The following MGAT4C variants were observed in gnomAD, a reference collection of about 807,000 sequenced individuals.
The protein encoded by MGAT4C is alpha-1,3-mannosyl-glycoprotein 4-beta-N-acetylglucosaminyltransferase C.
Under a neutral mutation model 40.1 loss-of-function variants are expected in MGAT4C, and 19 were observed. The observed-to-expected ratio is 0.47, with a 90% CI of 0.33 to 0.70. MGAT4C has a LOEUF of 0.70. Among genes scored for constraint, MGAT4C ranks in the 30% least tolerant of loss-of-function variants. The pLI is 0.02. For missense variants in MGAT4C, 491 were observed against 563.2 expected, an observed-to-expected ratio of 0.87 and a Z score of 1.30; for synonymous variants, 181 against 187.1, an observed-to-expected ratio of 0.97 and a Z score of 0.27.
At chr12:86,144,512 T>C (rs1883261549) in intron 1 of MGAT4C, among the ~76,000 whole-genome samples, 1 of 152,160 alleles carries the variant, frequency 6.6e-6, no homozygotes, top group Non-Finnish European at 1.5e-5. Flanking sequence ...ATACATTACA[T>C]TTCATCACAA....
intron 2 of MGAT4C, among the ~76,000 whole-genome samples, chr12:86,566,570 A>G (rs10858438): frequency 0.52 from 18,419 of 35,260 alleles, 5,219 homozygotes; most frequent in East Asian, 0.61. Context: ...ATATATATAT[A>G]TATATGTATA....
chr12:86,648,047 C>G (rs536488862), intron 2 of MGAT4C, among the ~76,000 whole-genome samples: 1 of 151,874 alleles, frequency 6.6e-6, no homozygotes, highest in Non-Finnish European at 1.5e-5. Context: ...CCAAATAAAT[C>G]CTTATTCAAT....
Position 85,968,121 on chromosome 12 carries a change from CTAAA to C in MGAT4C, c.*11164_*11167del, listed in dbSNP as rs1272009725. 4 of 151,948 alleles carry C rather than the reference CTAAA, an allele frequency of 2.6e-5. No homozygotes were observed. In the East Asian group the frequency reaches 7.7e-4, roughly 29 times the overall value. The allele number at this position is 151,948 out of a possible 1,614,324, so 9.4% of individuals were successfully genotyped here. A position where few individuals can be genotyped will look rare whatever the true frequency, so the allele number is the denominator to read the frequency against. ...GAGATTTGGATCATATGGGCTATGA[CTAAA>C]TGAGACAAGGCATACATGCTGACAT... On this transcript the variant is annotated 3_prime_UTR_variant, in exon 5 of 5. Coordinates refer to ENST00000611864, the MANE Select transcript of MGAT4C (RefSeq NM_001351288.2).
At chr12:86,478,987 T>C (rs1957887775) in intron 2 of MGAT4C, among the ~76,000 whole-genome samples, 1 of 152,056 alleles carries the variant, frequency 6.6e-6, no homozygotes. Flanking sequence ...ATCTCACATA[T>C]TTGAAGGACA....
chr12:86,170,035 T>C (rs1295732868), intron 1 of MGAT4C, among the ~76,000 whole-genome samples: 2 of 152,214 alleles, frequency 1.3e-5, no homozygotes, highest in Non-Finnish European at 2.9e-5. Flanking sequence ...AATTTAGTTC[T>C]TCCAACAACC....
chr12:86,082,225 G>A (rs1870970014), intron 1 of MGAT4C, among the ~76,000 whole-genome samples: 1 of 152,146 alleles, frequency 6.6e-6, no homozygotes, highest in Non-Finnish European at 1.5e-5. Context: ...CCATTAAACA[G>A]TCTAGATGAC....
intron 2 of MGAT4C, among the ~76,000 whole-genome samples, chr12:86,665,327 C>T (rs1964076693): frequency 6.6e-6 from 1 of 152,118 alleles, no homozygotes; most frequent in East Asian, 1.9e-4. Flanking sequence ...AATGCTGAGA[C>T]AATTGAAACC....
intron 2 of MGAT4C, among the ~76,000 whole-genome samples, chr12:86,017,135 A>T (rs1889160523): frequency 6.6e-6 from 1 of 152,180 alleles, no homozygotes; most frequent in South Asian, 2.1e-4. Context: ...ACATTTAAAA[A>T]AAACGTATTA....
At chr12:86,584,427 AAAC>A (rs1960921691) in intron 2 of MGAT4C, among the ~76,000 whole-genome samples, 1 of 151,154 alleles carries the variant, frequency 6.6e-6, no homozygotes, top group Non-Finnish European at 1.5e-5. Flanking sequence ...TTTCCTAAGA[AAAC>A]AATAATATAT....
chr12:86,640,272 C>T (rs1275737068), intron 2 of MGAT4C, among the ~76,000 whole-genome samples: 1 of 151,724 alleles, frequency 6.6e-6, no homozygotes. Context: ...TATTTATTCT[C>T]AACTTAAATG....
intron 3 of MGAT4C, among the ~76,000 whole-genome samples, chr12:86,394,800 G>C (rs187066282): frequency 5.0e-4 from 75 of 151,362 alleles, no homozygotes; most frequent in Non-Finnish European, 9.7e-4. Context: ...AGTTTTAGTA[G>C]AGATGGACTC....
chr12:86,452,647 AT>A (rs1234387318), intron 2 of MGAT4C, among the ~76,000 whole-genome samples: 2 of 152,078 alleles, frequency 1.3e-5, no homozygotes, highest in Non-Finnish European at 2.9e-5. Context: ...GGGCCAAATT[AT>A]TGAAAACCAA....
intron 2 of MGAT4C, among the ~76,000 whole-genome samples, chr12:86,534,096 GA>G (rs1361822535): frequency 6.6e-6 from 1 of 152,030 alleles, no homozygotes; most frequent in Non-Finnish European, 1.5e-5. Flanking sequence ...ATTCTGTAGA[GA>G]ATCCCCTTTC....
intron 2 of MGAT4C, among the ~76,000 whole-genome samples, chr12:86,597,284 C>T (rs919991340): frequency 9.2e-5 from 14 of 152,284 alleles, no homozygotes; most frequent in African/African-American, 3.4e-4. Flanking sequence ...CTAGAGTGCT[C>T]TTCACCCAAT....
chr12:86,024,870 G>A (rs954375553), intron 2 of MGAT4C, among the ~76,000 whole-genome samples: 6 of 151,108 alleles, frequency 4.0e-5, no homozygotes, highest in Admixed American at 2.0e-4. Flanking sequence ...CCCTTTATTC[G>A]AGTTATCACA....
intron 3 of MGAT4C, among the ~76,000 whole-genome samples, chr12:86,353,161 T>C (rs1955213644): frequency 6.6e-6 from 1 of 152,098 alleles, no homozygotes; most frequent in Admixed American, 6.6e-5. Flanking sequence ...GCCTCTTAAA[T>C]GGTCCTCCAC....
intron 1 of MGAT4C, among the ~76,000 whole-genome samples, chr12:86,821,354 A>C (rs950791783): frequency 2.0e-5 from 3 of 150,844 alleles, no homozygotes; most frequent in African/African-American, 7.3e-5. Flanking sequence ...GCAACGTTTA[A>C]TCTTTTTAAA....
rs556943039 is a variant in MGAT4C, at chr12:86,559,657, C to T, written c.-228-124392G>A. On this transcript the variant is annotated intron_variant, in intron 2 of 7. Coordinates refer to the MGAT4C transcript ENST00000548651. Reference sequence around the variant, plus strand: ...CCTATGGCATATAGCAAAAGCAGTGCTCAAAGGGACTTTTATAAGAATAAA... The same window carrying T: ...CCTATGGCATATAGCAAAAGCAGTGTTCAAAGGGACTTTTATAAGAATAAA... Among the ~76,000 whole-genome samples, 339 of 151,900 alleles carry T rather than the reference C, an allele frequency of 2.2e-3. 1 individual carries two copies. The highest frequency in any genetic ancestry group is 3.6e-3 in the Non-Finnish European group (244 of 67,848).
At chr12:86,043,215 G>A (rs1256367328) in intron 2 of MGAT4C, among the ~76,000 whole-genome samples, 1 of 152,174 alleles carries the variant, frequency 6.6e-6, no homozygotes, top group South Asian at 2.1e-4. Flanking sequence ...ATATATAAAA[G>A]GGAGTTTATT....
Sources: gnomAD v4.1 joint callset for allele counts (sites outside exome capture counted in the v4.1 genomes callset) on GRCh38, gnomAD v4.1.1 for gene constraint, MANE v1.5 for transcripts, NCBI Gene and HGNC (gene_info 2026-07-23, HGNC 2026-07-21) for gene names.